The following PDE4D variants were observed in gnomAD, a reference collection of about 807,000 sequenced individuals.
The protein encoded by PDE4D is 3',5'-cyclic-AMP phosphodiesterase 4D.
In PDE4D, 24 loss-of-function variants were observed where a neutral mutation model predicts 87.4. The ratio of observed to expected loss-of-function variants is 0.27; its 90% CI spans 0.20 to 0.39. The LOEUF (loss-of-function observed/expected upper bound fraction) is 0.39, where lower values mean the gene tolerates loss of function less well. PDE4D is among the 10% of genes least tolerant of loss of function. The probability of loss-of-function intolerance (pLI) is 1.00; values close to 1 mark genes in which losing one functional copy is unlikely to be tolerated. For missense variants in PDE4D, 714 were observed against 1,041.0 expected, an observed-to-expected ratio of 0.69 and a Z score of 4.32; for synonymous variants, 384 against 383.2, an observed-to-expected ratio of 1.00 and a Z score of -0.02.
chr5:59,132,545 A>G (rs982593961), intron 5 of PDE4D, among the ~76,000 whole-genome samples: 14 of 152,212 alleles, frequency 9.2e-5, no homozygotes, highest in African/African-American at 3.1e-4. Flanking sequence ...TTCAAATTTA[A>G]TTTTTTATTA....
intron 6 of PDE4D, among the ~76,000 whole-genome samples, chr5:58,995,097 G>A (rs1376635501): frequency 6.6e-6 from 1 of 152,094 alleles, no homozygotes; most frequent in South Asian, 2.1e-4. Context: ...ACAAATTCTG[G>A]TTGTTAAATT....
intron 1 of PDE4D, among the ~76,000 whole-genome samples, chr5:59,269,843 T>C (rs771174236): frequency 3.3e-5 from 5 of 152,094 alleles, no homozygotes; most frequent in African/African-American, 7.2e-5. Context: ...TCATTTATAT[T>C]AACTTCAACT....
intron 1 of PDE4D, among the ~76,000 whole-genome samples, chr5:59,857,228 G>A (rs1031914564): frequency 5.9e-5 from 9 of 152,128 alleles, no homozygotes; most frequent in African/African-American, 9.7e-5. Context: ...TACACATCAC[G>A]CATTTGTCCA....
chr5:59,594,759 T>A (rs1826432166), intron 1 of PDE4D, among the ~76,000 whole-genome samples: 1 of 152,264 alleles, frequency 6.6e-6, no homozygotes, highest in Non-Finnish European at 1.5e-5. Context: ...GAACTAGACA[T>A]GCCAGAGATG....
At chr5:59,702,233 C>T (rs1393157142) in intron 1 of PDE4D, among the ~76,000 whole-genome samples, 1 of 152,134 alleles carries the variant, frequency 6.6e-6, no homozygotes, top group Non-Finnish European at 1.5e-5. Flanking sequence ...ACGTCATTCT[C>T]CTGCCTCAGC....
chr5:60,241,271 CT>C (rs371953042), intron 1 of PDE4D, among the ~76,000 whole-genome samples: 32,033 of 96,542 alleles, frequency 0.33, 4,412 homozygotes, highest in Admixed American at 0.39. Context: ...CTCTCTCTCT[CT>C]TTTTTTTTTT....
At chr5:58,989,091 C>T (rs1747252537) in intron 10 of PDE4D, among the ~76,000 whole-genome samples, 1 of 151,994 alleles carries the variant, frequency 6.6e-6, no homozygotes, top group South Asian at 2.1e-4. Flanking sequence ...CAACAAGATG[C>T]CAGTATCATG....
At chr5:59,603,087 C>T (rs750036902) in intron 1 of PDE4D, among the ~76,000 whole-genome samples, 16 of 151,758 alleles carry the variant, frequency 1.1e-4, no homozygotes, top group Non-Finnish European at 2.2e-4. Context: ...CTATATGACA[C>T]TGATTTAGGC....
chr5:60,186,530 TGATATTTTCTTTCTGGGAAA>T (rs1340603784), intron 1 of PDE4D, among the ~76,000 whole-genome samples: 1 of 152,186 alleles, frequency 6.6e-6, no homozygotes, highest in Non-Finnish European at 1.5e-5. Context: ...GCATGTGGGC[TGATATTTTCTTTCTGGGAAA>T]GAACTTACTG....
chr5:59,004,572 T>C (rs4700317), intron 6 of PDE4D, among the ~76,000 whole-genome samples: 15,777 of 152,326 alleles, frequency 0.1, 1,298 homozygotes, highest in East Asian at 0.48. Context: ...CAAAGTGCCA[T>C]CTTCACAATA....
chr5:59,941,820 T>C (rs892173448), intron 3 of PDE4D, among the ~76,000 whole-genome samples: 1 of 152,220 alleles, frequency 6.6e-6, no homozygotes, highest in Non-Finnish European at 1.5e-5. Flanking sequence ...GCAAGGATGA[T>C]GAGGCCTCTG....
At chr5:60,286,290 G>T (rs933300546) in intron 1 of PDE4D, among the ~76,000 whole-genome samples, 19 of 152,220 alleles carry the variant, frequency 1.2e-4, no homozygotes, top group Middle Eastern at 3.4e-3. Flanking sequence ...AATACAACAA[G>T]CCATTGTAGA....
chr5:59,489,024 T>C (rs753617400), intron 1 of PDE4D, among the ~76,000 whole-genome samples: 1 of 152,056 alleles, frequency 6.6e-6, no homozygotes, highest in Non-Finnish European at 1.5e-5. Context: ...TGACGGCTCA[T>C]GCCTGTAATC....
chr5:59,053,362 T>TACACACACACACAC, intron 5 of PDE4D, among the ~76,000 whole-genome samples: 1 of 142,072 alleles, frequency 7.0e-6, no homozygotes, highest in Non-Finnish European at 1.5e-5. Context: ...TGGGTGTACA[T>TACACACACACACAC]ACACACACAC....
intron 1 of PDE4D, among the ~76,000 whole-genome samples, chr5:60,455,367 GC>G (rs1343667025): frequency 6.6e-6 from 1 of 152,014 alleles, no homozygotes; most frequent in African/African-American, 2.4e-5. Context: ...GATATAGTAG[GC>G]AATAATATAC....
chr5:59,973,150 T>A (rs568902665), intron 3 of PDE4D, among the ~76,000 whole-genome samples: 7 of 152,352 alleles, frequency 4.6e-5, no homozygotes, highest in Non-Finnish European at 7.3e-5. Flanking sequence ...GTCTGTCATA[T>A]ACTAAGACAC....
chr5:60,105,401 G>C (rs1056964597), intron 2 of PDE4D, among the ~76,000 whole-genome samples: 1 of 152,192 alleles, frequency 6.6e-6, no homozygotes, highest in Non-Finnish European at 1.5e-5. Context: ...GTACCTCAAA[G>C]TGATGGGGAG....
chr5:59,285,467 T>C (rs938445910), intron 1 of PDE4D, among the ~76,000 whole-genome samples: 1 of 152,038 alleles, frequency 6.6e-6, no homozygotes, highest in Non-Finnish European at 1.5e-5. Flanking sequence ...AAAGTTACTT[T>C]AGATGCCTTC....
At chr5:60,028,873 C>A (rs73759011) in intron 2 of PDE4D, among the ~76,000 whole-genome samples, 2 of 152,138 alleles carry the variant, frequency 1.3e-5, no homozygotes, top group African/African-American at 4.8e-5. Flanking sequence ...AAGGCCAAGT[C>A]AATGACAACT....
Sources: gnomAD v4.1 joint callset for allele counts (sites outside exome capture counted in the v4.1 genomes callset) on GRCh38, gnomAD v4.1.1 for gene constraint, MANE v1.5 for transcripts, NCBI Gene and HGNC (gene_info 2026-07-23, HGNC 2026-07-21) for gene names.